MAD1L1: variants seen among roughly 807,000 people sequenced by gnomAD.
The protein encoded by MAD1L1 is mitotic spindle assembly checkpoint protein MAD1.
A neutral mutation model predicts 96.9 loss-of-function variants in MAD1L1; 95 were observed. That is an observed-to-expected ratio of 0.98 (90% CI 0.83 to 1.16). MAD1L1 has a LOEUF of 1.16. Ranked by LOEUF, MAD1L1 falls within the 50% of genes most tolerant of loss-of-function variation. The pLI is 0.00. For synonymous variants in MAD1L1, 473 were observed against 396.6 expected, an observed-to-expected ratio of 1.19 and a Z score of -2.29; for missense variants, 1,007 against 954.4, an observed-to-expected ratio of 1.06 and a Z score of -0.73.
chr7:1,938,903 GCA>G (rs367763521), intron 16 of MAD1L1, among the ~76,000 whole-genome samples: 836 of 81,780 alleles, frequency 0.01, 13 homozygotes, highest in African/African-American at 0.041. Context: ...CCAGAGGCGC[GCA>G]CACACACACA....
At chr7:1,980,757 C>G in intron 14 of MAD1L1, 1 of 665,212 alleles carries the variant, frequency 1.5e-6, no homozygotes, top group Non-Finnish European at 2.8e-6. Context: ...TCACTTCCAT[C>G]TCCTGAATAG....
chr7:1,888,409 C>T lies in MAD1L1; in HGVS notation c.1998+9791G>A, dbSNP rs1279284037. ...GCGTGTGTGTGCATGCGTGTGGCTG[C>T]CTGTGCATGTGAGCATGCATGTGGC... is the stretch of plus-strand genomic sequence containing the variant. On this transcript the variant is annotated intron_variant, in intron 18 of 18. Coordinates refer to ENST00000265854, the MANE Select transcript of MAD1L1 (RefSeq NM_001013836.2). Among the ~76,000 whole-genome samples, 5 of 139,116 alleles carry T rather than the reference C, an allele frequency of 3.6e-5. No individual in the cohort carries two copies. In the East Asian group the frequency reaches 8.9e-4, roughly 25 times the overall value. The allele number at this position is 139,116 out of a possible 152,430, so 91.3% of individuals were successfully genotyped here. A position where few individuals can be genotyped will look rare whatever the true frequency, so the allele number is the denominator to read the frequency against.
At chr7:2,023,463 T>C (rs1056221723) in intron 12 of MAD1L1, among the ~76,000 whole-genome samples, 4 of 152,080 alleles carry the variant, frequency 2.6e-5, no homozygotes, top group African/African-American at 9.7e-5. Context: ...CAAGAGAAGT[T>C]TAAGAATAGT....
intron 15 of MAD1L1, among the ~76,000 whole-genome samples, chr7:1,972,585 G>T (rs1402816646): frequency 8.7e-6 from 1 of 115,140 alleles, no homozygotes; most frequent in East Asian, 2.5e-4. Flanking sequence ...ATTTGCTAGA[G>T]ATTTGTCAAT....
intron 16 of MAD1L1, among the ~76,000 whole-genome samples, chr7:1,956,561 C>A (rs1264391891): frequency 6.6e-6 from 1 of 152,252 alleles, no homozygotes; most frequent in Non-Finnish European, 1.5e-5. Flanking sequence ...CTCTGAGCAG[C>A]TTCAGGACAT....
At chr7:1,952,337 GGGCGC>G (rs1251379642) in intron 16 of MAD1L1, among the ~76,000 whole-genome samples, 3 of 152,118 alleles carry the variant, frequency 2.0e-5, no homozygotes, top group African/African-American at 7.2e-5. Context: ...GGTCCGGAGT[GGGCGC>G]TTCTCCTGTC....
intron 18 of MAD1L1, among the ~76,000 whole-genome samples, chr7:1,842,909 A>G (rs915711301): frequency 2.0e-5 from 3 of 152,200 alleles, no homozygotes; most frequent in African/African-American, 7.2e-5. Flanking sequence ...GGGAGGGTAC[A>G]CTGCCTGGAG....
intron 11 of MAD1L1, among the ~76,000 whole-genome samples, chr7:2,138,028 G>A (rs1301581014): frequency 1.3e-5 from 2 of 152,256 alleles, no homozygotes; most frequent in Non-Finnish European, 2.9e-5. Context: ...TGTACTGACA[G>A]CGCGGGCCAG....
chr7:2,059,613 T>C (rs1388291656), intron 12 of MAD1L1, among the ~76,000 whole-genome samples: 8 of 106,356 alleles, frequency 7.5e-5, no homozygotes, highest in Non-Finnish European at 5.8e-5. Context: ...TGGGGAAGCG[T>C]GGCCAGGGGA....
chr7:1,970,631 G>A (rs368243186), intron 15 of MAD1L1, among the ~76,000 whole-genome samples: 2 of 152,136 alleles, frequency 1.3e-5, no homozygotes, highest in African/African-American at 4.8e-5. Flanking sequence ...ACCATGCCCA[G>A]CCTATTATAT....
intron 18 of MAD1L1, among the ~76,000 whole-genome samples, chr7:1,870,967 C>T (rs561219479): frequency 2.2e-4 from 32 of 148,038 alleles, no homozygotes; most frequent in African/African-American, 7.3e-4. Context: ...ACACCTGCCA[C>T]GCTGAACCCA....
intron 18 of MAD1L1, among the ~76,000 whole-genome samples, chr7:1,891,352 C>A (rs1401505832): frequency 6.6e-6 from 1 of 151,924 alleles, no homozygotes; most frequent in African/African-American, 2.4e-5. Context: ...GGTGAAACCC[C>A]GTCTCTACTA....
intron 10 of MAD1L1, among the ~76,000 whole-genome samples, chr7:2,173,391 G>A (rs1790801817): frequency 6.6e-6 from 1 of 152,186 alleles, no homozygotes. Flanking sequence ...ACAGCTGGGT[G>A]CTCAACCACT....
At chr7:2,016,837 A>C (rs939947) in intron 12 of MAD1L1, among the ~76,000 whole-genome samples, 125,420 of 152,304 alleles carry the variant, frequency 0.82, 53,748 homozygotes, top group Non-Finnish European at 0.94. Context: ...TTGTTTGCAC[A>C]GGAAGGTTTA....
intron 17 of MAD1L1, among the ~76,000 whole-genome samples, chr7:1,929,162 C>G (rs924052154): frequency 6.6e-6 from 1 of 151,960 alleles, no homozygotes; most frequent in African/African-American, 2.4e-5. Context: ...CCTCCCCTCC[C>G]GGGCCTCCCC....
chr7:2,223,870 A>T (rs925948481), intron 4 of MAD1L1, among the ~76,000 whole-genome samples: 1 of 152,090 alleles, frequency 6.6e-6, no homozygotes, highest in Admixed American at 6.5e-5. Flanking sequence ...TCCAGGTGGA[A>T]CTCCAAGGAA....
intron 10 of MAD1L1, among the ~76,000 whole-genome samples, chr7:2,156,506 T>C (rs994289415): frequency 1.3e-5 from 2 of 148,738 alleles, no homozygotes; most frequent in Admixed American, 1.3e-4. Context: ...CTTCCGGAAC[T>C]ACCGATCATC....
chr7:2,011,489 G>A (rs1339709652), intron 13 of MAD1L1, among the ~76,000 whole-genome samples: 1 of 152,188 alleles, frequency 6.6e-6, no homozygotes, highest in African/African-American at 2.4e-5. Context: ...CCTGAGGCAG[G>A]AACCCAGCCC....
intron 17 of MAD1L1, among the ~76,000 whole-genome samples, chr7:1,933,745 C>T (rs4721216): frequency 0.98 from 149,481 of 152,252 alleles, 73,436 homozygotes; most frequent in Middle Eastern, 1. Flanking sequence ...TCATCTTTCC[C>T]GGGGAGCGGC....
Sources: allele counts gnomAD v4.1 joint callset (sites outside exome capture counted in the v4.1 genomes callset), GRCh38; gene constraint gnomAD v4.1.1; transcripts MANE v1.5; gene names NCBI Gene and HGNC (gene_info 2026-07-23, HGNC 2026-07-21).